MAP7: variants seen among roughly 807,000 people sequenced by gnomAD.
The protein encoded by MAP7 is microtubule associated protein 7.
In MAP7, 52 loss-of-function variants were observed where a neutral mutation model predicts 94.8. The observed-to-expected ratio is 0.55, with a 90% CI of 0.44 to 0.69. The LOEUF is 0.69. MAP7 is among the 30% of genes least tolerant of loss of function. MAP7 has a pLI of 0.00. For missense variants in MAP7, 940 were observed against 964.6 expected (o/e 0.97, Z 0.34); for synonymous variants, 350 against 357.0 (o/e 0.98, Z 0.22).
At chr6:136,473,546 T>G (rs1355126735) in intron 1 of MAP7, among the ~76,000 whole-genome samples, 2 of 152,218 alleles carry the variant, frequency 1.3e-5, no homozygotes, top group Admixed American at 6.5e-5. Context: ...ACATCTTCCA[T>G]GTAAAAAGTA....
chr6:136,480,890 T>C (rs183553766), intron 1 of MAP7, among the ~76,000 whole-genome samples: 311 of 152,138 alleles, frequency 2.0e-3, no homozygotes, highest in Non-Finnish European at 3.6e-3. Flanking sequence ...GGAATAATAA[T>C]GAATATGTAA....
intron 1 of MAP7, among the ~76,000 whole-genome samples, chr6:136,548,064 T>C (rs1829865108): frequency 1.3e-5 from 2 of 151,846 alleles, no homozygotes; most frequent in African/African-American, 4.8e-5. Context: ...TTGATGGTAA[T>C]AGTTTCTCTG....
intron 3 of MAP7, among the ~76,000 whole-genome samples, chr6:136,406,963 T>A (rs1785810241): frequency 1.3e-5 from 2 of 152,230 alleles, no homozygotes; most frequent in Admixed American, 1.3e-4. Flanking sequence ...ATTTTAAAAA[T>A]AAAGTAAGTG....
chr6:136,524,093 A>T (rs1827171463), intron 1 of MAP7, among the ~76,000 whole-genome samples: 1 of 151,978 alleles, frequency 6.6e-6, no homozygotes, highest in African/African-American at 2.4e-5. Context: ...TACAAAAAAA[A>T]AGTAGCTGGG....
chr6:136,535,145 G>A (rs780168590), intron 1 of MAP7, among the ~76,000 whole-genome samples: 1 of 152,174 alleles, frequency 6.6e-6, no homozygotes, highest in Non-Finnish European at 1.5e-5. Context: ...TCATGGCGGT[G>A]CAACCTCCAT....
At position 136,482,397 on chromosome 6, in the gene MAP7, G is replaced by C. The variant is rs558023124; in HGVS notation, c.68-60598C>G. Among the ~76,000 whole-genome samples, 26 of 152,206 alleles carry C rather than the reference G, an allele frequency of 1.7e-4. No individual in the cohort carries two copies. In the East Asian group the frequency reaches 4.2e-3, roughly 25 times the overall value. Reference sequence around the variant, plus strand: ...GTGGATCACCTGAGGTCAGGAGTTCGAGACCAGCCTGGACAACATGGTGAA... The same window carrying C: ...GTGGATCACCTGAGGTCAGGAGTTCCAGACCAGCCTGGACAACATGGTGAA... On this transcript the variant is annotated intron_variant, in intron 1 of 17. Transcript: ENST00000354570.
chr6:136,353,369 C>G (rs1789781359), intron 16 of MAP7, among the ~76,000 whole-genome samples: 1 of 152,128 alleles, frequency 6.6e-6, no homozygotes, highest in South Asian at 2.1e-4. Context: ...CAAGTATCAT[C>G]ATGGCACTCT....
At chr6:136,366,527 G>C in intron 8 of MAP7, 88 bp from the exon 9 acceptor site, 1 of 929,452 alleles carries the variant, frequency 1.1e-6, no homozygotes, top group Non-Finnish European at 1.7e-6. Context: ...AGAAACCATT[G>C]AATGACTTTT....
At chr6:136,404,711 T>A (rs915388742) in intron 3 of MAP7, among the ~76,000 whole-genome samples, 1 of 152,208 alleles carries the variant, frequency 6.6e-6, no homozygotes, top group African/African-American at 2.4e-5. Flanking sequence ...ACTGAGTGCC[T>A]AGTATGTTCC....
rs1783663002 is a variant in MAP7 at position 136,400,182 on chromosome 6, T to C, written c.245-10665A>G. ...CTGTAATCCCAGCACTTTGGGAGGC[T>C]GAGGCGGGCAGATCACGAGGTCAGG... is the stretch of plus-strand genomic sequence containing the variant. On this transcript the variant is annotated intron_variant, in intron 3 of 17. Transcript: ENST00000354570. Among the ~76,000 whole-genome samples, 3 of 152,174 alleles carry C rather than the reference T, an allele frequency of 2.0e-5. No homozygotes were observed. In the South Asian group the frequency reaches 6.2e-4, roughly 32 times the overall value.
At position 136,360,065 on chromosome 6, in the gene MAP7, G is replaced by A. The variant is rs762153847; in HGVS notation, c.1804-34C>T. 102 of 1,559,340 alleles carry A rather than the reference G, an allele frequency of 6.5e-5. 3 individuals are homozygous for A. In the South Asian group the frequency reaches 1.1e-3, roughly 18 times the overall value. Reference sequence around the variant, plus strand: ...AAGGAAGAATTGAGCAAGAAGATTAGACACAGAAAAAAAGCCAGCCTGGCA... The same window carrying A: ...AAGGAAGAATTGAGCAAGAAGATTAAACACAGAAAAAAAGCCAGCCTGGCA... On this transcript the variant is annotated intron_variant, in intron 13 of 17. Transcript: ENST00000354570.
At chr6:136,493,135 T>G (rs1167451336) in intron 1 of MAP7, among the ~76,000 whole-genome samples, 1 of 148,670 alleles carries the variant, frequency 6.7e-6, no homozygotes, top group Non-Finnish European at 1.5e-5. Context: ...TTTTTTTTTT[T>G]TTTTTGAGAC....
intron 3 of MAP7, among the ~76,000 whole-genome samples, chr6:136,408,249 T>C (rs1786248204): frequency 6.6e-6 from 1 of 152,172 alleles, no homozygotes; most frequent in Admixed American, 6.5e-5. Context: ...AAAATAAAGC[T>C]TTCAGAGTAC....
intron 6 of MAP7, among the ~76,000 whole-genome samples, chr6:136,382,716 T>A (rs996956943): frequency 2.0e-5 from 3 of 152,148 alleles, no homozygotes; most frequent in African/African-American, 7.2e-5. Flanking sequence ...CACCATAACT[T>A]TTATACAATA....
chr6:136,486,309 T>C (rs935025431), intron 1 of MAP7, among the ~76,000 whole-genome samples: 20 of 152,142 alleles, frequency 1.3e-4, no homozygotes, highest in Admixed American at 1.3e-3. Flanking sequence ...GAAGGCTCCT[T>C]CCCTGGCAAA....
chr6:136,513,467 A>G (rs1368825706), intron 1 of MAP7, among the ~76,000 whole-genome samples: 1 of 152,236 alleles, frequency 6.6e-6, no homozygotes, highest in East Asian at 1.9e-4. Context: ...GCAGCAATTC[A>G]GTCACATCTT....
intron 1 of MAP7, among the ~76,000 whole-genome samples, chr6:136,458,893 A>G (rs2128906987): frequency 6.6e-6 from 1 of 152,216 alleles, no homozygotes; most frequent in South Asian, 2.1e-4. Context: ...ATAAAAGCAT[A>G]AATAGACCAC....
chr6:136,466,643 C>T, intron 1 of MAP7: 1 of 882,482 alleles, frequency 1.1e-6, no homozygotes, highest in East Asian at 2.8e-5. Flanking sequence ...AGAAGATTTC[C>T]TACTCTGTAC....
intron 1 of MAP7, among the ~76,000 whole-genome samples, chr6:136,499,878 C>A (rs780474080): frequency 3.3e-5 from 5 of 152,004 alleles, no homozygotes; most frequent in Non-Finnish European, 5.9e-5. Flanking sequence ...TGCCTATAGT[C>A]CTAGCTATTC....
Sources: allele counts gnomAD v4.1 joint callset (sites outside exome capture counted in the v4.1 genomes callset), GRCh38; gene constraint gnomAD v4.1.1; transcripts MANE v1.5; gene names NCBI Gene and HGNC (gene_info 2026-07-23, HGNC 2026-07-21).